CTNNA3: variants seen among roughly 807,000 people sequenced by gnomAD.
The protein encoded by CTNNA3 is catenin alpha 3.
Under a neutral mutation model 95.7 loss-of-function variants are expected in CTNNA3, and 76 were observed. The ratio of observed to expected loss-of-function variants is 0.79; its 90% CI spans 0.66 to 0.96. CTNNA3 has a LOEUF of 0.96. Among genes scored for constraint, CTNNA3 ranks in the 40% least tolerant of loss-of-function variants. The probability of loss-of-function intolerance (pLI) is 0.00; values close to 1 mark genes in which losing one functional copy is unlikely to be tolerated. For synonymous variants in CTNNA3, 431 were observed against 374.4 expected, an observed-to-expected ratio of 1.15 and a Z score of -1.74; for missense variants, 1,191 against 1,089.8, an observed-to-expected ratio of 1.09 and a Z score of -1.31.
chr10:65,988,394 C>A (rs966400246), intron 16 of CTNNA3, among the ~76,000 whole-genome samples: 1 of 151,922 alleles, frequency 6.6e-6, no homozygotes, highest in African/African-American at 2.4e-5. Context: ...TCAACAACAA[C>A]AAAACTCGGT....
intron 9 of CTNNA3, among the ~76,000 whole-genome samples, chr10:66,634,655 C>A (rs995666458): frequency 6.6e-6 from 1 of 150,720 alleles, no homozygotes; most frequent in African/African-American, 2.4e-5. Flanking sequence ...ATAATTATAA[C>A]ATGGTCCTAC....
intron 11 of CTNNA3, among the ~76,000 whole-genome samples, chr10:66,391,050 GC>G (rs2092929952): frequency 6.6e-6 from 1 of 151,556 alleles, no homozygotes; most frequent in African/African-American, 2.4e-5. Flanking sequence ...CTTTTATTCC[GC>G]CCAATACAAT....
chr10:66,507,825 T>A (rs1564498640), intron 11 of CTNNA3, among the ~76,000 whole-genome samples: 1 of 152,138 alleles, frequency 6.6e-6, no homozygotes, highest in African/African-American at 2.4e-5. Context: ...AGTACAGATA[T>A]CTCTTTGCTA....
chr10:66,288,665 T>C (rs948827603), intron 12 of CTNNA3, among the ~76,000 whole-genome samples: 3 of 152,020 alleles, frequency 2.0e-5, no homozygotes, highest in South Asian at 4.1e-4. Context: ...AGCTCAGTTC[T>C]ATCATCACAA....
chr10:67,726,546 C>A (rs1470156973), intron 1 of CTNNA3, among the ~76,000 whole-genome samples: 2 of 54,580 alleles, frequency 3.7e-5, no homozygotes, highest in African/African-American at 8.1e-5. Context: ...TTATATATTA[C>A]ATATTATATA....
At chr10:66,076,268 A>G (rs1305190293) in intron 14 of CTNNA3, among the ~76,000 whole-genome samples, 3 of 151,806 alleles carry the variant, frequency 2.0e-5, no homozygotes, top group Non-Finnish European at 4.4e-5. Context: ...TAAATAGCAT[A>G]GAACACTTTG....
chr10:65,957,640 C>A (rs1257054600), intron 17 of CTNNA3, among the ~76,000 whole-genome samples: 1 of 152,126 alleles, frequency 6.6e-6, no homozygotes, highest in African/African-American at 2.4e-5. Flanking sequence ...ATACCTCCTT[C>A]ACTTATGAAG....
chr10:67,644,300 T>A (rs1839634217), intron 2 of CTNNA3, among the ~76,000 whole-genome samples: 1 of 152,240 alleles, frequency 6.6e-6, no homozygotes, highest in South Asian at 2.1e-4. Context: ...ATGAGCTTTT[T>A]TTCATATGTT....
chr10:66,628,323 T>G (rs1490134668), intron 9 of CTNNA3, among the ~76,000 whole-genome samples: 1 of 152,140 alleles, frequency 6.6e-6, no homozygotes, highest in Non-Finnish European at 1.5e-5. Context: ...TGTCCTTTCT[T>G]CCACTCCTTC....
At chr10:66,024,369 G>A (rs1345957471) in intron 15 of CTNNA3, among the ~76,000 whole-genome samples, 3 of 152,130 alleles carry the variant, frequency 2.0e-5, no homozygotes, top group Non-Finnish European at 4.4e-5. Flanking sequence ...GATTACAGGC[G>A]TGAGCCACCA....
chr10:67,042,813 A>G lies in CTNNA3; in HGVS notation c.1047+137504T>C, dbSNP rs564054573. Among the ~76,000 whole-genome samples, 3 of 152,280 alleles carry G rather than the reference A, an allele frequency of 2.0e-5. No individual in the cohort carries two copies. In the South Asian group the frequency reaches 6.2e-4, roughly 32 times the overall value. ...TGGTGTCAGTTGTCAATGATTAGATAGTCAACGAGAGTTAATTTAGTTCCA... is the reference window on the plus strand; with the variant it reads ...TGGTGTCAGTTGTCAATGATTAGATGGTCAACGAGAGTTAATTTAGTTCCA... On this transcript the variant is annotated intron_variant, in intron 7 of 17. Transcript: ENST00000433211.
intron 15 of CTNNA3, among the ~76,000 whole-genome samples, chr10:66,021,999 T>A (rs1372873421): frequency 6.6e-6 from 1 of 151,792 alleles, no homozygotes; most frequent in Non-Finnish European, 1.5e-5. Flanking sequence ...ACTACAGGTA[T>A]GTGCCACCAC....
chr10:67,739,704 A>C (rs547180770), intron 1 of CTNNA3, among the ~76,000 whole-genome samples: 4,702 of 152,264 alleles, frequency 0.031, 235 homozygotes, highest in African/African-American at 0.11. Context: ...GATAGGAAGA[A>C]TCAATATCGT....
intron 11 of CTNNA3, among the ~76,000 whole-genome samples, chr10:66,484,932 C>T (rs943888760): frequency 6.6e-6 from 1 of 151,992 alleles, no homozygotes; most frequent in Non-Finnish European, 1.5e-5. Flanking sequence ...ATGATTCAAC[C>T]TATGTCAATG....
At chr10:67,206,288 G>A (rs1353345793) in intron 6 of CTNNA3, among the ~76,000 whole-genome samples, 7 of 152,076 alleles carry the variant, frequency 4.6e-5, no homozygotes, top group Non-Finnish European at 5.9e-5. Context: ...ATAAAACATT[G>A]AGATTTCTTT....
chr10:66,151,732 A>G (rs2084211181), intron 13 of CTNNA3, among the ~76,000 whole-genome samples: 1 of 151,978 alleles, frequency 6.6e-6, no homozygotes, highest in South Asian at 2.1e-4. Context: ...CCTTCCTAAT[A>G]ACTTTAAATG....
In CTNNA3 at chr10:66,352,235, A is replaced by T. The variant is rs544734223; in HGVS notation, c.1732+26917T>A. ...AGTCAGACTGAAGACTCAAACATAC[A>T]TGGGCTCTTTGGGGCTACCCTCCCT... On this transcript the variant is annotated intron_variant, in intron 12 of 17. Transcript: ENST00000433211. 6.0e-4 allele frequency among the ~76,000 whole-genome samples: 92 copies of T among 152,242 alleles called. 3 individuals are homozygous for T. The highest frequency in any genetic ancestry group is 1.2e-3 in the Non-Finnish European group (80 of 67,990).
intron 17 of CTNNA3, among the ~76,000 whole-genome samples, chr10:65,965,594 AG>A (rs960202947): frequency 8.6e-5 from 13 of 151,678 alleles, no homozygotes; most frequent in African/African-American, 2.9e-4. Flanking sequence ...TAGTAGAGAC[AG>A]GGTTTCACCA....
chr10:66,068,084 C>T lies in CTNNA3; in HGVS notation c.2159+1224G>A, dbSNP rs192999367. 2.6e-3 allele frequency among the ~76,000 whole-genome samples: 397 copies of T among 152,214 alleles called. 2 individuals carry two copies. The highest frequency in any genetic ancestry group is 8.4e-3 in the African/African-American group (348 of 41,548). ...GGCTTATGTCATTAGATTTTCAACA[C>T]GATGCTCTGTACCAAGCCTATTTTA... On this transcript the variant is annotated intron_variant, in intron 15 of 17. Transcript: ENST00000433211.
Sources: allele counts gnomAD v4.1 joint callset (sites outside exome capture counted in the v4.1 genomes callset), GRCh38; gene constraint gnomAD v4.1.1; transcripts MANE v1.5; gene names NCBI Gene and HGNC (gene_info 2026-07-23, HGNC 2026-07-21).